The following NAA50 variants were observed in gnomAD, a reference collection of about 807,000 sequenced individuals.
NAA50 encodes N-alpha-acetyltransferase 50, NatE catalytic subunit.
NAA50 carries 7 observed loss-of-function variants against 20.7 expected under a neutral mutation model. The observed-to-expected ratio is 0.34, with a 90% CI of 0.19 to 0.63. The LOEUF (loss-of-function observed/expected upper bound fraction) is 0.63, where lower values mean the gene tolerates loss of function less well. Among genes scored for constraint, NAA50 ranks in the 30% least tolerant of loss-of-function variants. NAA50 has a pLI of 0.75. For synonymous variants in NAA50, 54 were observed against 70.6 expected (o/e 0.77, Z 1.18); for missense variants, 111 against 199.1 (o/e 0.56, Z 2.66).
chr3:113,723,065 C>T (rs1708157036), intron 3 of NAA50, 93 bp from the exon 4 acceptor site: 1 of 1,392,336 alleles, frequency 7.2e-7, no homozygotes, highest in African/African-American at 1.5e-5. Flanking sequence ...CTTATTGAGT[C>T]CTAAAAGAAT....
At chr3:113,723,590 AT>A in intron 2 of NAA50, 49 bp from the exon 3 acceptor site, 1 of 1,540,490 alleles carries the variant, frequency 6.5e-7, no homozygotes, top group Non-Finnish European at 8.7e-7. Flanking sequence ...AGAATAACAC[AT>A]TTAATCTTTT....
chr3:113,743,137 G>A (rs1451689520), intron 1 of NAA50, among the ~76,000 whole-genome samples: 1 of 152,126 alleles, frequency 6.6e-6, no homozygotes, highest in African/African-American at 2.4e-5. Context: ...GGAAAGACAT[G>A]CCAATACAAT....
intron 1 of NAA50, chr3:113,724,454 T>A (rs1286567485): frequency 6.2e-6 from 1 of 161,718 alleles, no homozygotes; most frequent in African/African-American, 2.4e-5. Flanking sequence ...ATCTTATTAC[T>A]TCTAGTAATT....
chr3:113,724,296 A>G (rs963000938), intron 1 of NAA50, among the ~76,000 whole-genome samples: 2 of 152,238 alleles, frequency 1.3e-5, no homozygotes, highest in Non-Finnish European at 2.9e-5. Flanking sequence ...ATATAATTAC[A>G]TACATTCAGG....
Position 113,738,605 on chromosome 3 carries a change from A to G in NAA50, c.8+7337T>C, listed in dbSNP as rs181315354. Among the ~76,000 whole-genome samples, 326 of 152,302 alleles carry G rather than the reference A, an allele frequency of 2.1e-3. 1 individual carries two copies. The highest frequency in any genetic ancestry group is 6.9e-3 in the African/African-American group (287 of 41,562). On this transcript the variant is annotated intron_variant, in intron 1 of 4. Coordinates refer to ENST00000240922, the MANE Select transcript of NAA50 (RefSeq NM_025146.4). The stretch of plus-strand genomic sequence containing the variant: ...TATTCAGATTCAAGCCATTCCCTTA[A>G]AAGACAACCAAGGCCCAGAGGTTGA...
intron 1 of NAA50, among the ~76,000 whole-genome samples, chr3:113,733,184 T>C (rs1296105929): frequency 6.6e-6 from 1 of 152,222 alleles, no homozygotes; most frequent in Non-Finnish European, 1.5e-5. Context: ...ACAAGTCCTT[T>C]ATCAGACAGA....
intron 2 of NAA50, 174 bp from the exon 3 acceptor site, chr3:113,723,715 G>T: frequency 1.2e-6 from 1 of 837,550 alleles, no homozygotes; most frequent in Non-Finnish European, 1.7e-6. Context: ...GCCTCCTCTA[G>T]AGTATAGCTT....
intron 1 of NAA50, among the ~76,000 whole-genome samples, chr3:113,727,816 A>C (rs1708217897): frequency 6.6e-6 from 1 of 152,212 alleles, no homozygotes; most frequent in African/African-American, 2.4e-5. Context: ...GGAAAAATTA[A>C]GCTGTTTTTG....
chr3:113,740,527 C>T (rs1046785209), intron 1 of NAA50, among the ~76,000 whole-genome samples: 1 of 152,072 alleles, frequency 6.6e-6, no homozygotes, highest in Non-Finnish European at 1.5e-5. Context: ...CCACCATACC[C>T]CAGCTAATTA....
rs1708162207 is a variant in NAA50, at chr3:113,723,561, G to A, written c.146-20C>T. 2.5e-6 allele frequency: 4 copies of A among 1,592,936 alleles called. No homozygotes were observed. Among genetic ancestry groups the A allele is most frequent in the South Asian group, 2.3e-5 (2 of 88,474 alleles). On this transcript the variant is annotated intron_variant, in intron 2 of 4. Transcript: ENST00000240922. Reference sequence around the variant, plus strand: ...AATAGGCTGCCAAGGAAAACATAAAGATATAATGTTGAACAGACAGAATAA... The same window carrying A: ...AATAGGCTGCCAAGGAAAACATAAAAATATAATGTTGAACAGACAGAATAA...
intron 1 of NAA50, among the ~76,000 whole-genome samples, chr3:113,730,164 G>A (rs959055411): frequency 3.9e-5 from 6 of 152,040 alleles, no homozygotes; most frequent in Admixed American, 6.6e-5. Flanking sequence ...AGCCAGGTGT[G>A]GTGGCGCGTG....
intron 1 of NAA50, among the ~76,000 whole-genome samples, chr3:113,725,634 C>CGT (rs1708189905): frequency 6.6e-6 from 1 of 151,924 alleles, no homozygotes; most frequent in Admixed American, 6.6e-5. Context: ...GGTGTGGTGG[C>CGT]GTGCACCTAT....
At position 113,730,969 on chromosome 3, in the gene NAA50, T is replaced by C. The variant is rs1021465921; in HGVS notation, c.9-6874A>G. On this transcript the variant is annotated intron_variant, in intron 1 of 4. Coordinates refer to ENST00000240922, the MANE Select transcript of NAA50 (RefSeq NM_025146.4). ...GTGGGAATGCTAGGTCTTAAGTGTA[T>C]AGGAGTTCTACTGTTCTGAATCTTC... Among the ~76,000 whole-genome samples the C allele has an allele frequency of 6.6e-5, 10 of 152,192 alleles. No individual in the cohort carries two copies. In the South Asian group the frequency reaches 1.7e-3, roughly 25 times the overall value.
At chr3:113,736,036 C>T (rs1322540291) in intron 1 of NAA50, among the ~76,000 whole-genome samples, 3 of 152,150 alleles carry the variant, frequency 2.0e-5, no homozygotes, top group Non-Finnish European at 4.4e-5. Context: ...AAGTTCGATG[C>T]TAATATTTAA....
chr3:113,723,139 G>A (rs894479875), intron 3 of NAA50, among the ~76,000 whole-genome samples, 167 bp from the exon 4 acceptor site: 5 of 152,066 alleles, frequency 3.3e-5, no homozygotes, highest in Non-Finnish European at 7.4e-5. Context: ...CAATAGCTAC[G>A]TATGTTTAAA....
At chr3:113,728,248 C>T (rs1420737669) in intron 1 of NAA50, among the ~76,000 whole-genome samples, 3 of 152,090 alleles carry the variant, frequency 2.0e-5, no homozygotes, top group Admixed American at 1.3e-4. Context: ...TTAAAAAATT[C>T]TGTCAATCTA....
intron 1 of NAA50, among the ~76,000 whole-genome samples, chr3:113,731,696 T>C (rs949503966): frequency 3.9e-5 from 6 of 152,184 alleles, no homozygotes; most frequent in Non-Finnish European, 7.3e-5. Context: ...ACTAGACATT[T>C]AATATAAATG....
rs1708124504 is a variant in NAA50 at position 113,720,696 on chromosome 3, A to G, written c.*1064T>C. On this transcript the variant is annotated 3_prime_UTR_variant, in exon 5 of 5. Transcript: ENST00000240922. Reference sequence around the variant, plus strand: ...CAATAGCACAGCTATGTTATTCTCAAAAATACTATTTTTTCCTATAAAATC... The same window carrying G: ...CAATAGCACAGCTATGTTATTCTCAGAAATACTATTTTTTCCTATAAAATC... 1.3e-5 allele frequency: 2 copies of G among 152,484 alleles called. No individual in the cohort carries two copies. Among genetic ancestry groups the G allele is most frequent in the Admixed American group, 6.5e-5 (1 of 15,278 alleles). The allele number at this position is 152,484 out of a possible 1,614,324, so 9.4% of individuals were successfully genotyped here.
chr3:113,723,093 G>T, intron 3 of NAA50, 121 bp from the exon 4 acceptor site: 1 of 1,282,588 alleles, frequency 7.8e-7, no homozygotes, highest in Non-Finnish European at 1.0e-6. Context: ...GTATACACTA[G>T]ATATCCTTAT....
Sources: gnomAD v4.1 joint callset for allele counts (sites outside exome capture counted in the v4.1 genomes callset) on GRCh38, gnomAD v4.1.1 for gene constraint, MANE v1.5 for transcripts, NCBI Gene and HGNC (gene_info 2026-07-23, HGNC 2026-07-21) for gene names.